Variants in EPM2A observed in about 807,000 individuals in gnomAD.
EPM2A encodes the protein EPM2A glucan phosphatase, laforin, also known as laforin.
A neutral mutation model predicts 26.5 loss-of-function variants in EPM2A; 21 were observed. The ratio of observed to expected loss-of-function variants is 0.79; its 90% confidence interval spans 0.56 to 1.14. EPM2A has a LOEUF of 1.14. Among genes scored for constraint, EPM2A ranks in the 50% most tolerant of loss-of-function variants. The probability of loss-of-function intolerance (pLI) is 0.00; values close to 1 mark genes in which losing one functional copy is unlikely to be tolerated. For synonymous variants in EPM2A, 217 were observed against 177.6 expected, an observed-to-expected ratio of 1.22 and a Z score of -1.76; for missense variants, 458 against 440.8, an observed-to-expected ratio of 1.04 and a Z score of -0.35.
chr6:145,401,035 G>A (rs1778478465), intron 4 of EPM2A, among the ~76,000 whole-genome samples: 1 of 151,876 alleles, frequency 6.6e-6, no homozygotes. Context: ...TTTACTAAAG[G>A]GTTTAATAAT....
intron 2 of EPM2A, among the ~76,000 whole-genome samples, chr6:145,506,343 G>T (rs901832041): frequency 3.3e-5 from 5 of 152,034 alleles, no homozygotes; most frequent in Non-Finnish European, 5.9e-5. Flanking sequence ...TTTCATCCAG[G>T]AATTCCACTC....
rs183443702 is a variant in EPM2A, at chr6:145,592,574, G to A, written c.340+42671C>T. On this transcript the variant is annotated intron_variant, in intron 2 of 3. Coordinates refer to the EPM2A transcript ENST00000450221. The stretch of plus-strand genomic sequence containing the variant: ...TGGTATTTCTAGTTCTACAATGGTT[G>A]AACTAGTTTACAGTCCCACCAACAA... 2.2e-4 allele frequency among the ~76,000 whole-genome samples: 33 copies of A among 152,052 alleles called. No homozygotes were observed. The East Asian group carries it at 3.1e-3, about 14-fold the overall frequency.
rs896855517 is a variant in EPM2A at position 145,573,605 on chromosome 6, C to A, written c.340+61640G>T. 5.3e-5 allele frequency among the ~76,000 whole-genome samples: 8 copies of A among 152,222 alleles called. No individual in the cohort carries two copies. In the East Asian group the frequency reaches 1.5e-3, roughly 29 times the overall value. On this transcript the variant is annotated intron_variant, in intron 2 of 3. Coordinates refer to the EPM2A transcript ENST00000450221. ...GATGGCACTAATCTCCGCAATCCCT[C>A]CAGGGATGCAATATTGTTTTCGATT...
At chr6:145,647,431 G>A (rs1777560328) in intron 2 of EPM2A, among the ~76,000 whole-genome samples, 1 of 152,044 alleles carries the variant, frequency 6.6e-6, no homozygotes, top group Non-Finnish European at 1.5e-5. Context: ...GGCTCACTTT[G>A]CTCTTTGCTT....
At chr6:145,576,161 C>A (rs1302897553) in intron 2 of EPM2A, among the ~76,000 whole-genome samples, 2 of 152,082 alleles carry the variant, frequency 1.3e-5, no homozygotes, top group South Asian at 4.2e-4. Flanking sequence ...TCTTTACCAC[C>A]CCACAATTCC....
At chr6:145,425,175 ACT>A (rs1000509796) in intron 4 of EPM2A, among the ~76,000 whole-genome samples, 1 of 51,316 alleles carries the variant, frequency 1.9e-5, no homozygotes, top group Non-Finnish European at 5.3e-5. Context: ...TCCGTCTCTC[ACT>A]CTCTCTTTCT....
chr6:145,573,905 G>A (rs972700925), intron 2 of EPM2A, among the ~76,000 whole-genome samples: 2 of 152,154 alleles, frequency 1.3e-5, no homozygotes, highest in African/African-American at 4.8e-5. Context: ...CCATAATGAT[G>A]TTTTGGATCC....
chr6:145,646,037 A>T (rs1313345599), intron 2 of EPM2A, among the ~76,000 whole-genome samples: 1 of 152,254 alleles, frequency 6.6e-6, no homozygotes, highest in East Asian at 1.9e-4. Flanking sequence ...TTTTTCCCTT[A>T]AACAATGTAA....
chr6:145,439,621 AAAGTGTCTGTT>A (rs1341509957), intron 4 of EPM2A, among the ~76,000 whole-genome samples: 1 of 152,066 alleles, frequency 6.6e-6, no homozygotes, highest in East Asian at 1.9e-4. Context: ...CTTACTTTGA[AAAGTGTCTGTT>A]CATGTCCTTT....
At position 145,735,344 on chromosome 6, in the gene EPM2A, A is replaced by G. The variant is rs1160717420; in HGVS notation, c.155T>C (p.Leu52Pro). ...PAGTAAGDGA[L>P]ALQEPGLWLG... ...CCACAGGCCCGGCTCCTGCAGGGCC[A>G]GGGCCCCGTCGCCCGCCGCGGTGCC... Residue 52 changes from leucine to proline, a missense_variant, in exon 1 of 4, where the codon CTG becomes CCG. Leu to Pro is a moderately conservative substitution (Grantham distance 98, BLOSUM62 -3). Transcript: ENST00000367519. The G allele has an allele frequency of 1.7e-6, 2 of 1,201,516 alleles. No individual in the cohort carries two copies. Among genetic ancestry groups the G allele is most frequent in the Non-Finnish European group, 1.1e-6 (1 of 949,252 alleles). The allele number at this position is 1,201,516 out of a possible 1,614,324, so 74.4% of individuals were successfully genotyped here.
chr6:145,498,233 ACACTATTGC>A (rs1229712142), downstream of EPM2A, among the ~76,000 whole-genome samples: 1 of 152,200 alleles, frequency 6.6e-6, no homozygotes, highest in Admixed American at 6.5e-5. Flanking sequence ...GGAAGGCACA[ACACTATTGC>A]CAGGGACTGG....
At chr6:145,510,564 C>G (rs2114762315) in intron 2 of EPM2A, among the ~76,000 whole-genome samples, 1 of 152,138 alleles carries the variant, frequency 6.6e-6, no homozygotes, top group African/African-American at 2.4e-5. Context: ...ACACAACATA[C>G]CAAAACCTCT....
intron 1 of EPM2A, among the ~76,000 whole-genome samples, chr6:145,692,704 T>A (rs1194730399): frequency 6.6e-6 from 1 of 152,136 alleles, no homozygotes. Flanking sequence ...TTTTGTTAAC[T>A]TTGTCAAATC....
At chr6:145,715,638 C>T (rs1028347307) in intron 1 of EPM2A, among the ~76,000 whole-genome samples, 2 of 152,150 alleles carry the variant, frequency 1.3e-5, no homozygotes, top group African/African-American at 4.8e-5. Context: ...TGCTCCCCAT[C>T]ACTCACATTA....
intron 2 of EPM2A, among the ~76,000 whole-genome samples, chr6:145,558,306 A>T (rs400329): frequency 0.36 from 55,283 of 151,698 alleles, 10,483 homozygotes; most frequent in South Asian, 0.51. Flanking sequence ...CTTCTTTTTC[A>T]TTATAAATTA....
At chr6:145,618,690 T>C (rs1426917047) in intron 2 of EPM2A, among the ~76,000 whole-genome samples, 1 of 152,230 alleles carries the variant, frequency 6.6e-6, no homozygotes, top group African/African-American at 2.4e-5. Context: ...TCCCAGGCCA[T>C]GCTAAACTGT....
intron 4 of EPM2A, chr6:145,490,546 G>T: frequency 1.4e-6 from 1 of 711,132 alleles, no homozygotes; most frequent in African/African-American, 1.7e-5. Context: ...TTTCTTCCCA[G>T]TTCTTTGCTT....
chr6:145,496,807 G>A (rs559541382), downstream of EPM2A, among the ~76,000 whole-genome samples: 1 of 140,512 alleles, frequency 7.1e-6, no homozygotes, highest in African/African-American at 2.6e-5. Flanking sequence ...GCACAATCTC[G>A]GCTCACTGCA....
chr6:145,464,665 C>A (rs1011405653), intron 4 of EPM2A, among the ~76,000 whole-genome samples: 1 of 152,046 alleles, frequency 6.6e-6, no homozygotes, highest in Non-Finnish European at 1.5e-5. Context: ...AATCTTTTGA[C>A]AGTTACATGT....
Sources: gnomAD v4.1 joint callset for allele counts (sites outside exome capture counted in the v4.1 genomes callset) on GRCh38, gnomAD v4.1.1 for gene constraint, MANE v1.5 for transcripts, NCBI Gene and HGNC (gene_info 2026-07-23, HGNC 2026-07-21) for gene names.